The following MTUS2 variants were observed in gnomAD, a reference collection of about 807,000 sequenced individuals.
MTUS2 encodes microtubule-associated tumor suppressor candidate 2.
MTUS2 carries 40 observed loss-of-function variants against 114.1 expected under a neutral mutation model. That is an observed-to-expected ratio of 0.35 (90% CI 0.27 to 0.46). The LOEUF (loss-of-function observed/expected upper bound fraction) is 0.46. Among genes scored for constraint, MTUS2 ranks in the 20% least tolerant of loss-of-function variants. MTUS2 has a pLI of 1.00. For missense variants in MTUS2, 1,679 were observed against 1,705.4 expected (o/e 0.98, Z 0.27); for synonymous variants, 688 against 672.0 (o/e 1.02, Z -0.37).
chr13:29,447,019 C>T (rs537594407), intron 9 of MTUS2, among the ~76,000 whole-genome samples: 5 of 152,176 alleles, frequency 3.3e-5, no homozygotes, highest in South Asian at 2.1e-4. Flanking sequence ...TCTTGAGCAC[C>T]GACCTGATGC....
rs199577736 is a variant in MTUS2 at position 29,152,510 on chromosome 13, CTG to C, written c.2644+51543_2644+51544del. On this transcript the variant is annotated intron_variant, in intron 5 of 15. Coordinates refer to ENST00000612955, the MANE Select transcript of MTUS2 (RefSeq NM_001033602.4). Reference sequence around the variant, plus strand: ...GCTGGCATCCTCTGGCTCAGGATCTCTGTGAGATTGTAAGCTGTCAGACAGGG... The same window carrying C: ...GCTGGCATCCTCTGGCTCAGGATCTCTGAGATTGTAAGCTGTCAGACAGGG... Among the ~76,000 whole-genome samples the C allele has an allele frequency of 5.3e-5, 8 of 152,100 alleles. No individual in the cohort carries two copies. In the East Asian group the frequency reaches 1.5e-3, roughly 29 times the overall value.
At chr13:29,389,324 T>C (rs1159415649) in intron 8 of MTUS2, among the ~76,000 whole-genome samples, 1 of 54,472 alleles carries the variant, frequency 1.8e-5, no homozygotes, top group African/African-American at 4.2e-5. Flanking sequence ...TATACACATA[T>C]GTGTGTATAT....
Position 29,026,557 on chromosome 13 carries a change from T to A in MTUS2, c.1859T>A (p.Val620Asp). 6.2e-7 allele frequency: 1 copy of A among 1,613,648 alleles called. No individual in the cohort carries two copies. The highest frequency in any genetic ancestry group is 8.5e-7 in the Non-Finnish European group (1 of 1,179,790). ...CAGGAGGGAATGGAGAACTATCAGG[T>A]TGAAAAAACAGAGGAGAGGACAGAA... ...SSQEGMENYQ[V>D]EKTEERTETK... Residue 620 changes from valine (V) to aspartate (D), a missense_variant, in exon 3 of 16, where the codon GTT (valine) becomes GAT (aspartate). By Grantham distance (152) the Val-to-Asp change is radical. Coordinates refer to ENST00000612955, the MANE Select transcript of MTUS2 (RefSeq NM_001033602.4).
chr13:29,387,878 A>G (rs888810276), intron 8 of MTUS2, among the ~76,000 whole-genome samples: 8 of 152,164 alleles, frequency 5.3e-5, no homozygotes, highest in African/African-American at 1.4e-4. Context: ...TGTTACAACC[A>G]TGTTAGACCT....
At position 28,962,426 on chromosome 13, in the gene MTUS2, A is replaced by G. The variant is rs1017959469; in HGVS notation, c.-242-62031A>G. On this transcript the variant is annotated intron_variant, in intron 2 of 15. Transcript: ENST00000612955. ...CCTAGACAAATATAAGTTTACTGGTATATTGGCTGTATTCTCTCCTGAATT... is the reference window on the plus strand; with the variant it reads ...CCTAGACAAATATAAGTTTACTGGTGTATTGGCTGTATTCTCTCCTGAATT... Among the ~76,000 whole-genome samples, 7 of 152,148 alleles carry G rather than the reference A, an allele frequency of 4.6e-5. No homozygotes were observed. In the East Asian group the frequency reaches 1.3e-3, roughly 29 times the overall value.
At chr13:29,415,181 GAACTT>G (rs968439796) in intron 8 of MTUS2, among the ~76,000 whole-genome samples, 8 of 151,794 alleles carry the variant, frequency 5.3e-5, no homozygotes, top group African/African-American at 1.9e-4. Context: ...CTAACTCATG[GAACTT>G]ACTAGTATTT....
chr13:29,357,197 ATAT>A (rs1352119837), intron 7 of MTUS2, among the ~76,000 whole-genome samples: 1 of 150,160 alleles, frequency 6.7e-6, no homozygotes, highest in Non-Finnish European at 1.5e-5. Context: ...GATGATGATG[ATAT>A]TATTATTATT....
chr13:28,871,939 G>T (rs1877643228), intron 2 of MTUS2, among the ~76,000 whole-genome samples: 1 of 152,160 alleles, frequency 6.6e-6, no homozygotes, highest in Non-Finnish European at 1.5e-5. Flanking sequence ...AGTTTGGCCA[G>T]ACCAGGAGGG....
chr13:29,445,824 C>T (rs1314549072), intron 9 of MTUS2, among the ~76,000 whole-genome samples: 2 of 151,996 alleles, frequency 1.3e-5, no homozygotes, highest in African/African-American at 4.8e-5. Context: ...AGGAGAATTG[C>T]TTGAACCTGG....
At chr13:29,150,606 C>A (rs1892625745) in intron 5 of MTUS2, among the ~76,000 whole-genome samples, 1 of 152,128 alleles carries the variant, frequency 6.6e-6, no homozygotes. Context: ...GTCATAAATT[C>A]TTTGCCAAAG....
intron 8 of MTUS2, among the ~76,000 whole-genome samples, chr13:29,437,379 A>G (rs1877489918): frequency 6.6e-6 from 1 of 152,312 alleles, no homozygotes; most frequent in South Asian, 2.1e-4. Flanking sequence ...AGTATTCAGA[A>G]CTATTCTTGA....
intron 2 of MTUS2, among the ~76,000 whole-genome samples, chr13:28,905,532 T>C (rs1206908546): frequency 2.6e-5 from 4 of 151,734 alleles, no homozygotes; most frequent in South Asian, 2.1e-4. Flanking sequence ...TTGTCTTTGG[T>C]TCTGTTTATA....
intron 2 of MTUS2, among the ~76,000 whole-genome samples, chr13:28,903,520 T>A (rs1879781090): frequency 1.3e-5 from 2 of 150,474 alleles, no homozygotes; most frequent in African/African-American, 4.9e-5. Context: ...TGTGTTTGGT[T>A]TTTTGTGCTT....
chr13:29,341,109 A>G (rs554956313), intron 7 of MTUS2, among the ~76,000 whole-genome samples: 5 of 152,144 alleles, frequency 3.3e-5, no homozygotes, highest in South Asian at 2.1e-4. Flanking sequence ...TGCTCTACAC[A>G]TGTGTGTGCA....
intron 7 of MTUS2, 124 bp downstream of exon 7, chr13:29,324,835 A>C: frequency 1.4e-6 from 1 of 707,044 alleles, no homozygotes; most frequent in South Asian, 1.8e-5. Flanking sequence ...AGAGCTTGAC[A>C]TACATATGCT....
intron 5 of MTUS2, among the ~76,000 whole-genome samples, chr13:29,211,757 C>T (rs1351830980): frequency 3.3e-5 from 5 of 152,010 alleles, no homozygotes; most frequent in East Asian, 3.9e-4. Context: ...TGGGGGCAGT[C>T]GTTCCCCTTT....
At chr13:29,353,865 GCA>G in intron 7 of MTUS2, among the ~76,000 whole-genome samples, 1 of 152,242 alleles carries the variant, frequency 6.6e-6, no homozygotes, top group Admixed American at 6.5e-5. Flanking sequence ...CTAATCCTTG[GCA>G]GAGTTCTGTC....
At chr13:29,318,936 T>C (rs1900137094) in intron 6 of MTUS2, among the ~76,000 whole-genome samples, 2 of 152,176 alleles carry the variant, frequency 1.3e-5, no homozygotes. Context: ...GTATTTCAAA[T>C]TAAACTTAAG....
At chr13:28,887,446 C>T (rs1878659435) in intron 2 of MTUS2, among the ~76,000 whole-genome samples, 1 of 152,188 alleles carries the variant, frequency 6.6e-6, no homozygotes, top group African/African-American at 2.4e-5. Flanking sequence ...ATGCTGGGCA[C>T]AGCGGGTGAG....
Sources: allele counts gnomAD v4.1 joint callset (sites outside exome capture counted in the v4.1 genomes callset), GRCh38; gene constraint gnomAD v4.1.1; transcripts MANE v1.5; gene names NCBI Gene and HGNC (gene_info 2026-07-23, HGNC 2026-07-21).